Variants in UBE2D3 observed in about 807,000 individuals in gnomAD.
UBE2D3 encodes ubiquitin-conjugating enzyme E2 D3.
UBE2D3 carries 2 observed loss-of-function variants against 22.8 expected under a neutral mutation model. That is an observed-to-expected ratio of 0.09 (90% CI 0.04 to 0.28). The LOEUF (loss-of-function observed/expected upper bound fraction) is 0.28. UBE2D3 is among the 10% of genes least tolerant of loss of function. UBE2D3 has a pLI of 1.00. For synonymous variants in UBE2D3, 56 were observed against 60.4 expected, an observed-to-expected ratio of 0.93 and a Z score of 0.34; for missense variants, 27 against 182.5, an observed-to-expected ratio of 0.15 and a Z score of 4.91.
intron 1 of UBE2D3, among the ~76,000 whole-genome samples, chr4:102,835,189 T>C (rs952810804): frequency 6.6e-5 from 10 of 152,194 alleles, no homozygotes; most frequent in Non-Finnish European, 1.5e-4. Context: ...ATCCATGGAT[T>C]CAACCAACCA....
chr4:102,810,156 C>T (rs887677412), intron 2 of UBE2D3: 3 of 267,092 alleles, frequency 1.1e-5, no homozygotes, highest in African/African-American at 6.8e-5. Flanking sequence ...AGTTTAAGAG[C>T]TTAGACCAGA....
chr4:102,832,208 C>T (rs1246685873), upstream of UBE2D3, among the ~76,000 whole-genome samples: 2 of 151,996 alleles, frequency 1.3e-5, no homozygotes, highest in African/African-American at 2.4e-5. Flanking sequence ...GAGGGAGGCT[C>T]CTAGGAAGAG....
rs180908364 is a variant in UBE2D3 at position 102,846,202 on chromosome 4, C to T, written c.-128-19566G>A. Among the ~76,000 whole-genome samples the T allele has an allele frequency of 3.0e-4, 45 of 152,194 alleles. 5 individuals carry two copies. The highest frequency in any genetic ancestry group is 2.5e-3 in the Admixed American group (38 of 15,288). On this transcript the variant is annotated intron_variant, in intron 1 of 7. Transcript: ENST00000338145. Reference sequence around the variant, plus strand: ...TACAGTGTTTACCACCATCATCTCTCGCAAACAAAGACAGCCACTTCAGAG... The same window carrying T: ...TACAGTGTTTACCACCATCATCTCTTGCAAACAAAGACAGCCACTTCAGAG...
chr4:102,817,719 C>T (rs888357302), intron 2 of UBE2D3, among the ~76,000 whole-genome samples: 1 of 152,146 alleles, frequency 6.6e-6, no homozygotes, highest in African/African-American at 2.4e-5. Flanking sequence ...AACCATCCAC[C>T]GTTAGTCTGT....
chr4:102,847,321 C>T (rs950871059), intron 1 of UBE2D3, among the ~76,000 whole-genome samples: 2 of 151,910 alleles, frequency 1.3e-5, no homozygotes, highest in Admixed American at 6.6e-5. Flanking sequence ...TGTCTCACTC[C>T]GTCGCCCAGG....
intron 1 of UBE2D3, among the ~76,000 whole-genome samples, chr4:102,854,262 A>G (rs537980487): frequency 2.6e-5 from 4 of 152,156 alleles, no homozygotes; most frequent in Non-Finnish European, 4.4e-5. Flanking sequence ...ATATTGACAA[A>G]TGTGTATATT....
At chr4:102,825,803 T>C in intron 2 of UBE2D3, 4 of 456,412 alleles carry the variant, frequency 8.8e-6, no homozygotes, top group Non-Finnish European at 1.8e-5. Flanking sequence ...CCAGAATGCC[T>C]TTTACATCAG....
intron 2 of UBE2D3, chr4:102,825,348 A>G (rs1056707958): frequency 9.9e-7 from 1 of 1,009,192 alleles, no homozygotes; most frequent in Non-Finnish European, 1.2e-6. Context: ...AACACATCAC[A>G]CAAATACAAG....
At chr4:102,823,197 C>CA (rs780836948) in intron 2 of UBE2D3, among the ~76,000 whole-genome samples, 30 of 150,718 alleles carry the variant, frequency 2.0e-4, no homozygotes, top group East Asian at 1.4e-3. Flanking sequence ...TTCTGAATGA[C>CA]AAAAAAAAAC....
intron 1 of UBE2D3, among the ~76,000 whole-genome samples, chr4:102,833,015 G>A (rs1428120179): frequency 1.7e-5 from 2 of 114,734 alleles, no homozygotes; most frequent in Non-Finnish European, 3.6e-5. Context: ...AAAAAAAAAT[G>A]TTTATAGAAA....
intron 1 of UBE2D3, among the ~76,000 whole-genome samples, chr4:102,856,758 A>G (rs1302297730): frequency 6.6e-6 from 1 of 152,228 alleles, no homozygotes; most frequent in African/African-American, 2.4e-5. Flanking sequence ...ATAGGATACT[A>G]TACATACTTT....
intron 2 of UBE2D3, among the ~76,000 whole-genome samples, chr4:102,817,537 TA>T (rs1349319390): frequency 2.6e-5 from 4 of 152,258 alleles, no homozygotes; most frequent in African/African-American, 9.6e-5. Context: ...AAATTTGGAC[TA>T]GGGGTAAGTT....
At chr4:102,858,892 A>G (rs1359876408) in intron 1 of UBE2D3, among the ~76,000 whole-genome samples, 3 of 152,020 alleles carry the variant, frequency 2.0e-5, no homozygotes, top group Non-Finnish European at 4.4e-5. Context: ...CTGTAGCTAT[A>G]GTTATTTTTA....
rs1731958350 is a variant in UBE2D3 at position 102,844,864 on chromosome 4, C to CA, written c.-128-18229dup. On this transcript the variant is annotated intron_variant, in intron 1 of 7. Transcript: ENST00000338145. Reference sequence around the variant, plus strand: ...TGAAACCCTGTCTCTACTAAAAATACAAAAAAATTTACCTAGGCATGGTGG... The same window carrying CA: ...TGAAACCCTGTCTCTACTAAAAATACAAAAAAAATTTACCTAGGCATGGTGG... Among the ~76,000 whole-genome samples the CA allele has an allele frequency of 2.6e-5, 4 of 151,738 alleles. 1 individual carries two copies. In the South Asian group the frequency reaches 8.3e-4, roughly 32 times the overall value.
intron 2 of UBE2D3, chr4:102,811,757 A>C (rs1359908620): frequency 2.2e-6 from 1 of 446,170 alleles, no homozygotes; most frequent in East Asian, 7.1e-5. Context: ...AGGATGCCTA[A>C]ATAAAAAAGA....
intron 4 of UBE2D3, among the ~76,000 whole-genome samples, chr4:102,803,019 A>AC (rs1726449985): frequency 6.6e-6 from 1 of 152,234 alleles, no homozygotes; most frequent in African/African-American, 2.4e-5. Context: ...GATGTGTACA[A>AC]ATGGCTTCAC....
At chr4:102,851,131 A>G (rs1732326753) in intron 1 of UBE2D3, among the ~76,000 whole-genome samples, 2 of 152,228 alleles carry the variant, frequency 1.3e-5, no homozygotes, top group African/African-American at 2.4e-5. Context: ...GATTGTTACA[A>G]TATTTGCCCT....
upstream of UBE2D3, among the ~76,000 whole-genome samples, chr4:102,830,009 A>G (rs1462039113): frequency 6.6e-6 from 1 of 152,224 alleles, no homozygotes; most frequent in African/African-American, 2.4e-5. Context: ...GTAATCACAA[A>G]CTCATTATTG....
At chr4:102,839,575 T>C (rs1448934001) in intron 1 of UBE2D3, among the ~76,000 whole-genome samples, 2 of 152,310 alleles carry the variant, frequency 1.3e-5, no homozygotes, top group Non-Finnish European at 2.9e-5. Flanking sequence ...CCCGGCCTCA[T>C]ATGATTTTGA....
Sources: gnomAD v4.1 joint callset for allele counts (sites outside exome capture counted in the v4.1 genomes callset) on GRCh38, gnomAD v4.1.1 for gene constraint, MANE v1.5 for transcripts, NCBI Gene and HGNC (gene_info 2026-07-23, HGNC 2026-07-21) for gene names.